METTL24: variants seen among roughly 807,000 people sequenced by gnomAD.
METTL24 encodes methyltransferase like 24.
A neutral mutation model predicts 32.7 loss-of-function variants in METTL24; 29 were observed. The ratio of observed to expected loss-of-function variants is 0.89; its 90% CI spans 0.66 to 1.21. METTL24 has a LOEUF of 1.21. Among genes scored for constraint, METTL24 ranks in the 50% most tolerant of loss-of-function variants. METTL24 has a pLI of 0.00. For missense variants in METTL24, 439 were observed against 468.1 expected, an observed-to-expected ratio of 0.94 and a Z score of 0.57; for synonymous variants, 163 against 179.5, an observed-to-expected ratio of 0.91 and a Z score of 0.73.
chr6:110,265,145 GA>G (rs1562219853), intron 4 of METTL24, among the ~76,000 whole-genome samples: 1 of 57,928 alleles, frequency 1.7e-5, no homozygotes, highest in African/African-American at 9.6e-5. Flanking sequence ...AAGAAAGAAA[GA>G]AAGAAAGAAA....
At chr6:110,350,045 T>C (rs1772562349) in intron 1 of METTL24, among the ~76,000 whole-genome samples, 1 of 152,234 alleles carries the variant, frequency 6.6e-6, no homozygotes, top group Non-Finnish European at 1.5e-5. Context: ...ATCTGTAGGG[T>C]ACAATCCAAA....
chr6:110,260,812 C>T (rs1260814474), intron 4 of METTL24, among the ~76,000 whole-genome samples: 1 of 152,180 alleles, frequency 6.6e-6, no homozygotes, highest in Non-Finnish European at 1.5e-5. Flanking sequence ...GGCCAATATT[C>T]AACATTCTTA....
intron 4 of METTL24, among the ~76,000 whole-genome samples, chr6:110,259,301 G>A (rs1043643189): frequency 1.3e-5 from 2 of 152,198 alleles, no homozygotes; most frequent in Non-Finnish European, 2.9e-5. Flanking sequence ...CTTAGCAAAC[G>A]GCACACCAGG....
At chr6:110,258,061 T>C (rs1043330622) in intron 4 of METTL24, among the ~76,000 whole-genome samples, 23 of 152,138 alleles carry the variant, frequency 1.5e-4, no homozygotes, top group African/African-American at 5.6e-4. Context: ...ATCCATATCA[T>C]TGGGCTGTGT....
At chr6:110,255,768 T>C (rs893094802) in intron 4 of METTL24, among the ~76,000 whole-genome samples, 3 of 152,144 alleles carry the variant, frequency 2.0e-5, no homozygotes, top group Non-Finnish European at 4.4e-5. Flanking sequence ...CCTAAATGAA[T>C]AGATGTATAA....
At chr6:110,315,270 G>T in intron 3 of METTL24, 72 bp downstream of exon 3, 3 of 1,550,510 alleles carry the variant, frequency 1.9e-6, no homozygotes, top group East Asian at 4.5e-5. Context: ...TTCTAACTTT[G>T]TATTGCTGAA....
chr6:110,264,141 A>C (rs912981827), intron 4 of METTL24, among the ~76,000 whole-genome samples: 1 of 151,628 alleles, frequency 6.6e-6, no homozygotes, highest in Non-Finnish European at 1.5e-5. Context: ...TAAACTAAAG[A>C]GCTTCTGCAC....
intron 4 of METTL24, among the ~76,000 whole-genome samples, chr6:110,273,313 T>C (rs1242496118): frequency 6.6e-6 from 1 of 152,120 alleles, no homozygotes; most frequent in Non-Finnish European, 1.5e-5. Context: ...AAATGGAGAT[T>C]TTAAGTGTTT....
rs762731835 is a variant in METTL24 at position 110,299,068 on chromosome 6, A to G, written c.640T>C (p.Ser214Pro). 3 of 1,614,070 alleles carry G rather than the reference A, an allele frequency of 1.9e-6. No individual in the cohort carries two copies. The African/African-American group carries it at 4.0e-5, about 22-fold the overall frequency. Residue 214 changes from serine to proline, a missense_variant, in exon 4 of 5, where the codon TCA (serine) becomes CCA (proline). Physicochemically the swap from Ser to Pro is moderately conservative, Grantham distance 74 (BLOSUM62 -1). Transcript: ENST00000338882. The part of the protein sequence containing the change: ...EVHRFDPSVK[S>P]AHILESQHLW... ...TGCTGACTCTCCAGAATGTGAGCTG[A>G]CTTGACACTAGGATCAAAACGATGC... is the stretch of plus-strand genomic sequence containing the variant.
chr6:110,317,865 T>C (rs1219531918), intron 2 of METTL24, among the ~76,000 whole-genome samples: 1 of 152,134 alleles, frequency 6.6e-6, no homozygotes, highest in Non-Finnish European at 1.5e-5. Flanking sequence ...ACTCAGAATC[T>C]TTGAGGCTGA....
In METTL24 at chr6:110,271,136, A is replaced by G. The variant is rs146541289; in HGVS notation, c.787-24876T>C. On this transcript the variant is annotated intron_variant, in intron 4 of 4. Coordinates refer to ENST00000338882, the MANE Select transcript of METTL24 (RefSeq NM_001123364.3). The stretch of plus-strand genomic sequence containing the variant: ...TGGCCTCCCAAAGTGCTGGGATTAC[A>G]GGCGTGAGCCACCGCGTCCAGCCAT... Among the ~76,000 whole-genome samples, 689 of 152,080 alleles carry G rather than the reference A, an allele frequency of 4.5e-3. 9 individuals are homozygous for G. Among genetic ancestry groups the G allele is most frequent in the African/African-American group, 0.016 (670 of 41,500 alleles).
intron 4 of METTL24, among the ~76,000 whole-genome samples, chr6:110,297,730 T>TA (rs1439478559): frequency 6.6e-6 from 1 of 152,148 alleles, no homozygotes; most frequent in African/African-American, 2.4e-5. Context: ...TAACAGCATG[T>TA]AAAAAGGAGT....
chr6:110,276,325 C>T (rs1161712831), intron 4 of METTL24, among the ~76,000 whole-genome samples: 1 of 152,028 alleles, frequency 6.6e-6, no homozygotes, highest in Non-Finnish European at 1.5e-5. Flanking sequence ...ATGGTATGTA[C>T]CTATAGTCCC....
intron 2 of METTL24, among the ~76,000 whole-genome samples, chr6:110,318,923 T>C (rs1405984595): frequency 6.6e-6 from 1 of 152,240 alleles, no homozygotes; most frequent in Non-Finnish European, 1.5e-5. Context: ...CAACTAATTA[T>C]GTTCTCTGTC....
intron 1 of METTL24, among the ~76,000 whole-genome samples, chr6:110,334,965 T>C (rs1772184567): frequency 6.6e-6 from 1 of 152,198 alleles, no homozygotes; most frequent in Admixed American, 6.5e-5. Context: ...TAAGTTATAG[T>C]GGCTGACAAG....
At chr6:110,357,882 G>C in intron 1 of METTL24, 73 bp downstream of exon 1, 2 of 900,640 alleles carry the variant, frequency 2.2e-6, no homozygotes, top group Non-Finnish European at 2.8e-6. Flanking sequence ...CGGGACCTGA[G>C]CGCCGGGCTC....
chr6:110,356,280 T>C (rs1301615022), intron 1 of METTL24, among the ~76,000 whole-genome samples: 1 of 151,622 alleles, frequency 6.6e-6, no homozygotes, highest in Non-Finnish European at 1.5e-5. Flanking sequence ...CCATCTCTAT[T>C]AAAAATACAA....
chr6:110,312,383 A>C (rs549032188), intron 3 of METTL24, among the ~76,000 whole-genome samples: 1 of 152,352 alleles, frequency 6.6e-6, no homozygotes, highest in Admixed American at 6.5e-5. Context: ...GCAGTATATC[A>C]AAGGGATGCC....
intron 1 of METTL24, 173 bp downstream of exon 1, chr6:110,357,782 A>G: frequency 4.3e-6 from 1 of 229,940 alleles, no homozygotes; most frequent in Non-Finnish European, 8.2e-6. Context: ...CTATCTGGGC[A>G]CTGAAAGATG....
Sources: allele counts gnomAD v4.1 joint callset (sites outside exome capture counted in the v4.1 genomes callset), GRCh38; gene constraint gnomAD v4.1.1; transcripts MANE v1.5; gene names NCBI Gene and HGNC (gene_info 2026-07-23, HGNC 2026-07-21).